Variants in MSH4 observed in about 807,000 individuals in gnomAD.
The protein encoded by MSH4 is mutS protein homolog 4.
A neutral mutation model predicts 113.7 loss-of-function variants in MSH4; 106 were observed. The ratio of observed to expected loss-of-function variants is 0.93; its 90% CI spans 0.80 to 1.10. The LOEUF (loss-of-function observed/expected upper bound fraction) is 1.10. Among genes scored for constraint, MSH4 ranks in the 50% least tolerant of loss-of-function variants. The probability of loss-of-function intolerance (pLI) is 0.00; values close to 1 mark genes in which losing one functional copy is unlikely to be tolerated. For missense variants in MSH4, 1,061 were observed against 1,093.7 expected (o/e 0.97, Z 0.42); for synonymous variants, 368 against 380.2 (o/e 0.97, Z 0.37).
chr1:75,896,862 A>G (rs1184055827), intron 17 of MSH4, among the ~76,000 whole-genome samples: 1 of 152,114 alleles, frequency 6.6e-6, no homozygotes, highest in Admixed American at 6.6e-5. Flanking sequence ...TACCTTTTAA[A>G]TAGCTTACTG....
intron 7 of MSH4, among the ~76,000 whole-genome samples, chr1:75,847,614 A>G (rs1188911377): frequency 6.6e-6 from 1 of 152,196 alleles, no homozygotes; most frequent in Non-Finnish European, 1.5e-5. Flanking sequence ...AAAGTCCAAG[A>G]GTATGGCATT....
At chr1:75,879,920 C>T (rs1651894379) in intron 12 of MSH4, 130 bp from the exon 13 acceptor site, 1 of 602,286 alleles carries the variant, frequency 1.7e-6, no homozygotes. Flanking sequence ...TTATTTAGAA[C>T]TTTCTTTGTG....
At chr1:75,887,844 A>G (rs886533533) in intron 15 of MSH4, among the ~76,000 whole-genome samples, 2 of 151,928 alleles carry the variant, frequency 1.3e-5, no homozygotes. Flanking sequence ...TTCTGATTCA[A>G]ATTCTGGCTC....
intron 8 of MSH4, among the ~76,000 whole-genome samples, chr1:75,863,109 T>A (rs1651493197): frequency 6.6e-6 from 1 of 152,162 alleles, no homozygotes; most frequent in African/African-American, 2.4e-5. Context: ...TTGAATAACT[T>A]TTTTTCAAAT....
rs1652825514 is a variant in MSH4, at chr1:75,913,194, A to G, written c.*307A>G. The G allele has an allele frequency of 6.3e-6, 1 of 159,828 alleles. No homozygotes were observed. The highest frequency in any genetic ancestry group is 1.4e-5 in the Non-Finnish European group (1 of 73,360). 9.9% of individuals were successfully genotyped at this position (159,828 alleles called of 1,614,324 possible). ...CTTACAAGTTATAGTTTAAAATATT[A>G]TTGTAAATACCCTAGTTTAATAAAC... On this transcript the variant is annotated 3_prime_UTR_variant, in exon 20 of 20. Transcript: ENST00000263187.
At chr1:75,909,242 C>G (rs926378039) in intron 19 of MSH4, among the ~76,000 whole-genome samples, 1 of 152,122 alleles carries the variant, frequency 6.6e-6, no homozygotes, top group Non-Finnish European at 1.5e-5. Flanking sequence ...GTGCATGATG[C>G]CTGGCAGATT....
chr1:75,894,028 A>C (rs1371282868), intron 17 of MSH4, among the ~76,000 whole-genome samples: 1 of 152,184 alleles, frequency 6.6e-6, no homozygotes, highest in East Asian at 1.9e-4. Context: ...ATCCTGGAAG[A>C]GTCCAAATGA....
intron 1 of MSH4, among the ~76,000 whole-genome samples, chr1:75,802,978 C>T (rs777130409): frequency 9.2e-5 from 14 of 152,060 alleles, no homozygotes; most frequent in African/African-American, 2.7e-4. Flanking sequence ...GTCCTACTCT[C>T]GTGATAACCC....
intron 19 of MSH4, among the ~76,000 whole-genome samples, chr1:75,910,061 G>A (rs992838704): frequency 2.0e-5 from 3 of 151,916 alleles, no homozygotes; most frequent in Non-Finnish European, 2.9e-5. Flanking sequence ...CTAAGAGTAT[G>A]CTTAGATTTC....
chr1:75,808,890 A>G (rs1213807350), intron 3 of MSH4, among the ~76,000 whole-genome samples: 1 of 152,062 alleles, frequency 6.6e-6, no homozygotes, highest in Non-Finnish European at 1.5e-5. Context: ...AGGTAGAGAT[A>G]GTTTACTCCT....
At chr1:75,907,702 A>C (rs1342093563) in intron 19 of MSH4, among the ~76,000 whole-genome samples, 4 of 131,858 alleles carry the variant, frequency 3.0e-5, no homozygotes, top group Admixed American at 1.5e-4. Context: ...ATATATATAT[A>C]TATATATATA....
Position 75,807,080 on chromosome 1 carries a change from T to G in MSH4, c.527T>G (p.Ile176Ser). Residue 176 changes from isoleucine (I) to serine (S), a missense_variant, in exon 3 of 20, where the codon ATT becomes AGT. By Grantham distance (142) the Ile-to-Ser change is moderately radical. Coordinates refer to ENST00000263187, the MANE Select transcript of MSH4 (RefSeq NM_002440.4). ...LARGEIGMAS[I>S]DLKNPQIILS... ...AGAGGTGAAATAGGAATGGCAAGTATTGATTTAAAAAACCCCCAAATTATA... is the reference window on the plus strand; with the variant it reads ...AGAGGTGAAATAGGAATGGCAAGTAGTGATTTAAAAAACCCCCAAATTATA... The G allele has an allele frequency of 6.3e-7, 1 of 1,588,130 alleles. No homozygotes were observed. The highest frequency in any genetic ancestry group is 8.5e-7 in the Non-Finnish European group (1 of 1,172,776).
intron 7 of MSH4, among the ~76,000 whole-genome samples, chr1:75,843,331 C>T (rs1651004679): frequency 6.6e-6 from 1 of 152,156 alleles, no homozygotes; most frequent in Non-Finnish European, 1.5e-5. Context: ...TTTATTTCTA[C>T]ACTCTCTCGT....
rs183865645 is a variant in MSH4 at position 75,869,655 on chromosome 1, C to A, written c.1305+2067C>A. On this transcript the variant is annotated intron_variant, in intron 9 of 19. Transcript: ENST00000263187. ...GGGCCATGGCTTCAGAGGGTGCAGG[C>A]CTCAAGCCTTGGCAGCCTCCATGTG... Among the ~76,000 whole-genome samples, 1,004 of 152,292 alleles carry A rather than the reference C, an allele frequency of 6.6e-3. 3 individuals are homozygous for A. Among genetic ancestry groups the A allele is most frequent in the South Asian group, 0.018 (88 of 4,822 alleles).
At chr1:75,907,366 C>A (rs1652682975) in intron 19 of MSH4, among the ~76,000 whole-genome samples, 1 of 151,860 alleles carries the variant, frequency 6.6e-6, no homozygotes. Flanking sequence ...GTTGAGAAGT[C>A]TGTTGCCAGA....
intron 9 of MSH4, among the ~76,000 whole-genome samples, chr1:75,874,389 C>T (rs760951043): frequency 5.3e-5 from 8 of 152,090 alleles, no homozygotes; most frequent in Non-Finnish European, 8.8e-5. Context: ...TACAGTGGCA[C>T]GATCATTGCA....
rs368266474 is a variant in MSH4, at chr1:75,807,146, G to A, written c.588+5G>A. 7 of 1,530,492 alleles carry A rather than the reference G, an allele frequency of 4.6e-6. No homozygotes were observed. The highest frequency in any genetic ancestry group is 6.1e-6 in the Non-Finnish European group (7 of 1,147,970). The allele number at this position is 1,530,492 out of a possible 1,614,324, so 94.8% of individuals were successfully genotyped here. A position where few individuals can be genotyped will look rare whatever the true frequency, so the allele number is the denominator to read the frequency against. ...GACAACACAACATATGCAAAGGTAA[G>A]TATTAATAATTCTAGAAAATGGTTG... On this transcript the variant is annotated splice_donor_5th_base_variant and intron_variant, in intron 3 of 19. Transcript: ENST00000263187.
At chr1:75,911,663 C>T (rs1201952238) in intron 19 of MSH4, among the ~76,000 whole-genome samples, 1 of 151,836 alleles carries the variant, frequency 6.6e-6, no homozygotes, top group African/African-American at 2.4e-5. Context: ...AGCTTAGAGG[C>T]CTGGAACATA....
At chr1:75,805,602 G>A (rs1650043968) in intron 2 of MSH4, among the ~76,000 whole-genome samples, 1 of 151,654 alleles carries the variant, frequency 6.6e-6, no homozygotes, top group Non-Finnish European at 1.5e-5. Flanking sequence ...GGCCAGGCTG[G>A]TCTCGAACTC....
Sources: gnomAD v4.1 joint callset for allele counts (sites outside exome capture counted in the v4.1 genomes callset) on GRCh38, gnomAD v4.1.1 for gene constraint, MANE v1.5 for transcripts, NCBI Gene and HGNC (gene_info 2026-07-23, HGNC 2026-07-21) for gene names.